GALNT13: variants seen among roughly 807,000 people sequenced by gnomAD.
GALNT13 encodes the protein polypeptide N-acetylgalactosaminyltransferase 13.
A neutral mutation model predicts 64.2 loss-of-function variants in GALNT13; 28 were observed. The ratio of observed to expected loss-of-function variants is 0.44; its 90% CI spans 0.32 to 0.60. The LOEUF (loss-of-function observed/expected upper bound fraction) is 0.60, where lower values mean the gene tolerates loss of function less well. Ranked by LOEUF, GALNT13 falls within the 20% of genes least tolerant of loss-of-function variation. The probability of loss-of-function intolerance (pLI) is 0.05; values close to 1 mark genes in which losing one functional copy is unlikely to be tolerated. For missense variants in GALNT13, 577 were observed against 669.8 expected (o/e 0.86, Z 1.53); for synonymous variants, 214 against 224.6 (o/e 0.95, Z 0.42).
the GALNT13 span, among the ~76,000 whole-genome samples, chr2:153,175,064 T>C: frequency 6.6e-6 from 1 of 152,180 alleles, no homozygotes; most frequent in Non-Finnish European, 1.5e-5. Context: ...AAATGAACCA[T>C]AACAACTATA....
At chr2:153,375,036 A>G in the GALNT13 span, among the ~76,000 whole-genome samples, 3 of 152,164 alleles carry the variant, frequency 2.0e-5, no homozygotes, top group African/African-American at 7.2e-5. Context: ...AGTGGATTTG[A>G]TATGTAGAAA....
chr2:153,881,750 G>C (rs960567830), intron 1 of GALNT13, among the ~76,000 whole-genome samples: 1 of 151,992 alleles, frequency 6.6e-6, no homozygotes, highest in Non-Finnish European at 1.5e-5. Context: ...TTTTGCAAAT[G>C]TTAATCAGTT....
the GALNT13 span, among the ~76,000 whole-genome samples, chr2:153,269,963 A>G: frequency 2.4e-4 from 37 of 152,272 alleles, no homozygotes; most frequent in African/African-American, 8.7e-4. Context: ...CACATTGGGG[A>G]TTACAATTCA....
intron 11 of GALNT13, among the ~76,000 whole-genome samples, chr2:154,420,188 TC>T (rs1383712441): frequency 2.6e-5 from 4 of 152,172 alleles, no homozygotes; most frequent in Non-Finnish European, 5.9e-5. Flanking sequence ...GGACAACTTT[TC>T]TTACTGAAAA....
the GALNT13 span, among the ~76,000 whole-genome samples, chr2:153,615,385 A>G: frequency 4.6e-4 from 70 of 152,174 alleles, no homozygotes; most frequent in African/African-American, 1.6e-3. Flanking sequence ...TTTTCGTTGT[A>G]TACCTAGTAG....
chr2:153,782,833 G>A, the GALNT13 span, among the ~76,000 whole-genome samples: 12 of 152,106 alleles, frequency 7.9e-5, no homozygotes, highest in East Asian at 1.2e-3. Context: ...TACCCAATCC[G>A]TGGACTTTGT....
the GALNT13 span, among the ~76,000 whole-genome samples, chr2:153,728,630 G>T: frequency 6.6e-6 from 1 of 151,968 alleles, no homozygotes; most frequent in African/African-American, 2.4e-5. Flanking sequence ...CAGAAGACAA[G>T]AAATAAGTAA....
At chr2:154,354,629 T>TC (rs1696622616) in intron 9 of GALNT13, among the ~76,000 whole-genome samples, 2 of 152,026 alleles carry the variant, frequency 1.3e-5, no homozygotes, top group South Asian at 2.1e-4. Context: ...TTTTTTTTTT[T>TC]TGAATGTGGA....
chr2:153,119,365 G>C, the GALNT13 span, among the ~76,000 whole-genome samples: 1 of 151,802 alleles, frequency 6.6e-6, no homozygotes, highest in Non-Finnish European at 1.5e-5. Context: ...AAATTAATCA[G>C]TTTTTCTAAA....
At chr2:154,163,931 T>C (rs1684880584) in intron 4 of GALNT13, among the ~76,000 whole-genome samples, 1 of 152,182 alleles carries the variant, frequency 6.6e-6, no homozygotes, top group East Asian at 1.9e-4. Context: ...AATAATAGTA[T>C]TGACTTTGAT....
chr2:153,631,438 G>A, the GALNT13 span, among the ~76,000 whole-genome samples: 1 of 152,136 alleles, frequency 6.6e-6, no homozygotes, highest in Admixed American at 6.5e-5. Context: ...CAGTGTAAAG[G>A]TGTTCCTATT....
At chr2:153,352,636 G>C in the GALNT13 span, among the ~76,000 whole-genome samples, 1 of 152,018 alleles carries the variant, frequency 6.6e-6, no homozygotes, top group African/African-American at 2.4e-5. Context: ...TTTTGTAAAG[G>C]TTATAAGGTC....
chr2:154,188,013 A>T (rs775528598), intron 4 of GALNT13, among the ~76,000 whole-genome samples: 1 of 107,732 alleles, frequency 9.3e-6, no homozygotes, highest in Non-Finnish European at 1.9e-5. Context: ...GGCATCAGGC[A>T]TTCTCTCTCT....
the GALNT13 span, among the ~76,000 whole-genome samples, chr2:153,697,657 G>A: frequency 6.6e-6 from 1 of 152,200 alleles, no homozygotes; most frequent in Non-Finnish European, 1.5e-5. Flanking sequence ...TAGCAATTGA[G>A]GCTATGAGTA....
the GALNT13 span, among the ~76,000 whole-genome samples, chr2:153,292,242 G>C: frequency 4.0e-5 from 6 of 151,880 alleles, no homozygotes; most frequent in Non-Finnish European, 8.8e-5. Flanking sequence ...GTGGCAAAGG[G>C]GTCAACAGGG....
At chr2:153,901,641 C>T (rs374410734) in intron 2 of GALNT13, among the ~76,000 whole-genome samples, 1 of 151,982 alleles carries the variant, frequency 6.6e-6, no homozygotes, top group Non-Finnish European at 1.5e-5. Context: ...TACCTCTGCC[C>T]TGATGAAGTG....
chr2:154,307,695 A>G (rs568107741), intron 9 of GALNT13, among the ~76,000 whole-genome samples: 2 of 152,234 alleles, frequency 1.3e-5, no homozygotes, highest in South Asian at 4.1e-4. Context: ...CTATAGCATC[A>G]TTGATTTTTA....
chr2:153,232,480 CCA>C, the GALNT13 span, among the ~76,000 whole-genome samples: 1 of 152,148 alleles, frequency 6.6e-6, no homozygotes, highest in Non-Finnish European at 1.5e-5. Context: ...AACACACTCA[CCA>C]CAGTGAAAGT....
the GALNT13 span, among the ~76,000 whole-genome samples, chr2:153,330,212 A>G: frequency 6.6e-6 from 1 of 152,106 alleles, no homozygotes; most frequent in African/African-American, 2.4e-5. Context: ...AGGTAATGTG[A>G]TGTCTCTGGC....
Sources: allele counts gnomAD v4.1 joint callset (sites outside exome capture counted in the v4.1 genomes callset), GRCh38; gene constraint gnomAD v4.1.1; transcripts MANE v1.5; gene names NCBI Gene and HGNC (gene_info 2026-07-23, HGNC 2026-07-21).